Variants in CDH8 observed in about 807,000 individuals in gnomAD.
The protein encoded by CDH8 is cadherin 8, also known as cadherin-8.
In CDH8, 17 loss-of-function variants were observed where a neutral mutation model predicts 68.1. The observed-to-expected ratio is 0.25, with a 90% CI of 0.17 to 0.37. CDH8 has a LOEUF of 0.37. Among genes scored for constraint, CDH8 ranks in the 10% least tolerant of loss-of-function variants. The pLI is 1.00. For missense variants in CDH8, 763 were observed against 999.3 expected (o/e 0.76, Z 3.19); for synonymous variants, 372 against 365.1 (o/e 1.02, Z -0.21).
rs933273988 is a variant in CDH8, at chr16:61,873,611, G to A, written c.548-16373C>T. Among the ~76,000 whole-genome samples the A allele has an allele frequency of 3.9e-4, 59 of 152,202 alleles. 1 individual carries two copies. The highest frequency in any genetic ancestry group is 1.3e-4 in the Non-Finnish European group (9 of 68,030). ...TTGACCTTTATGATGGTGGGAAAGC[G>A]ATCTGCAGTCAGTAGAAACTATTTT... On this transcript the variant is annotated intron_variant, in intron 3 of 11. Coordinates refer to ENST00000577390, the MANE Select transcript of CDH8 (RefSeq NM_001796.5).
intron 2 of CDH8, among the ~76,000 whole-genome samples, chr16:61,996,958 T>A (rs1965813426): frequency 6.6e-6 from 1 of 152,010 alleles, no homozygotes; most frequent in Admixed American, 6.6e-5. Context: ...ATGAGGTTAA[T>A]ACACTTCAAA....
intron 8 of CDH8, among the ~76,000 whole-genome samples, chr16:61,770,745 A>G (rs1440683350): frequency 1.3e-5 from 2 of 151,898 alleles, no homozygotes; most frequent in Non-Finnish European, 1.5e-5. Context: ...TGTGGTTTGG[A>G]TGCTTTCTGT....
At chr16:61,835,465 G>A (rs986602248) in intron 4 of CDH8, among the ~76,000 whole-genome samples, 4 of 151,802 alleles carry the variant, frequency 2.6e-5, no homozygotes, top group Non-Finnish European at 4.4e-5. Flanking sequence ...TAGTGACTTC[G>A]TGTAGACTGT....
chr16:61,944,719 AT>A (rs1489912142), intron 2 of CDH8, among the ~76,000 whole-genome samples: 4 of 152,240 alleles, frequency 2.6e-5, no homozygotes, highest in African/African-American at 9.6e-5. Flanking sequence ...AGGCAGAAGA[AT>A]TACTTGAGGC....
At chr16:61,782,652 A>G (rs2142992682) in intron 8 of CDH8, among the ~76,000 whole-genome samples, 1 of 152,114 alleles carries the variant, frequency 6.6e-6, no homozygotes, top group African/African-American at 2.4e-5. Context: ...AGACAAACAA[A>G]AAGACAGCAG....
chr16:61,747,962 A>G (rs1960064358), intron 8 of CDH8, among the ~76,000 whole-genome samples: 1 of 152,030 alleles, frequency 6.6e-6, no homozygotes, highest in African/African-American at 2.4e-5. Flanking sequence ...ATATTGTCAC[A>G]CGCCTCTTAG....
At chr16:61,748,031 G>A (rs1960065860) in intron 8 of CDH8, among the ~76,000 whole-genome samples, 1 of 152,068 alleles carries the variant, frequency 6.6e-6, no homozygotes, top group South Asian at 2.1e-4. Flanking sequence ...AGTCAGTGGA[G>A]AATAAACCAC....
At chr16:61,956,837 G>A (rs868861850) in intron 2 of CDH8, among the ~76,000 whole-genome samples, 1 of 152,112 alleles carries the variant, frequency 6.6e-6, no homozygotes, top group Admixed American at 6.6e-5. Flanking sequence ...GGTCTAGTTT[G>A]TAGGGTCCTT....
intron 9 of CDH8, among the ~76,000 whole-genome samples, chr16:61,719,131 T>A (rs1009156014): frequency 2.0e-5 from 3 of 150,446 alleles, no homozygotes; most frequent in African/African-American, 7.3e-5. Context: ...GCTCACCATT[T>A]TTTTTTTTTT....
intron 2 of CDH8, among the ~76,000 whole-genome samples, chr16:61,918,964 G>A (rs1482224749): frequency 6.8e-6 from 1 of 148,062 alleles, no homozygotes; most frequent in South Asian, 2.2e-4. Flanking sequence ...CGCAGCTGGA[G>A]ATCTGAGAAC....
At chr16:61,984,027 T>C (rs1965585114) in intron 2 of CDH8, among the ~76,000 whole-genome samples, 1 of 152,030 alleles carries the variant, frequency 6.6e-6, no homozygotes, top group Non-Finnish European at 1.5e-5. Flanking sequence ...AAGCTATTCC[T>C]CTGCCTTAGC....
chr16:62,027,996 T>A (rs116122202), intron 1 of CDH8, among the ~76,000 whole-genome samples: 1 of 152,074 alleles, frequency 6.6e-6, no homozygotes, highest in Non-Finnish European at 1.5e-5. Flanking sequence ...TTTATCCAGA[T>A]GTCAATCTGT....
intron 2 of CDH8, among the ~76,000 whole-genome samples, chr16:62,014,561 T>C (rs1487884047): frequency 6.6e-6 from 1 of 152,164 alleles, no homozygotes; most frequent in Non-Finnish European, 1.5e-5. Context: ...AATAATGGCA[T>C]GTCAAGTGCA....
chr16:61,697,193 T>C (rs1964342913), intron 10 of CDH8, among the ~76,000 whole-genome samples: 3 of 152,006 alleles, frequency 2.0e-5, no homozygotes. Flanking sequence ...TTTCTGAAAA[T>C]AAGACAAGGG....
intron 9 of CDH8, chr16:61,726,720 C>T (rs1959381317): frequency 6.5e-6 from 2 of 309,646 alleles, no homozygotes; most frequent in Non-Finnish European, 1.2e-5. Flanking sequence ...CATATGTTTG[C>T]TGTGAAACAA....
chr16:61,957,372 A>T (rs963720940), intron 2 of CDH8, among the ~76,000 whole-genome samples: 2 of 152,180 alleles, frequency 1.3e-5, no homozygotes, highest in African/African-American at 2.4e-5. Context: ...TTTAAGAGCC[A>T]CAAGCAGCAG....
At chr16:61,896,625 A>T (rs1379250694) in intron 3 of CDH8, among the ~76,000 whole-genome samples, 1 of 152,210 alleles carries the variant, frequency 6.6e-6, no homozygotes, top group East Asian at 1.9e-4. Context: ...AATGAAGGGA[A>T]TAATTCACAC....
intron 4 of CDH8, among the ~76,000 whole-genome samples, chr16:61,848,358 A>T (rs1465517487): frequency 6.6e-6 from 1 of 152,098 alleles, no homozygotes; most frequent in African/African-American, 2.4e-5. Flanking sequence ...GGTTTCTCCA[A>T]ATAGACATTT....
At chr16:61,997,957 A>C (rs1965833523) in intron 2 of CDH8, among the ~76,000 whole-genome samples, 1 of 152,238 alleles carries the variant, frequency 6.6e-6, no homozygotes, top group African/African-American at 2.4e-5. Flanking sequence ...ACCTGTACCA[A>C]GAAATACAAA....
Sources: gnomAD v4.1 joint callset for allele counts (sites outside exome capture counted in the v4.1 genomes callset) on GRCh38, gnomAD v4.1.1 for gene constraint, MANE v1.5 for transcripts, NCBI Gene and HGNC (gene_info 2026-07-23, HGNC 2026-07-21) for gene names.